Variants in SLC39A11 observed in about 807,000 individuals in gnomAD.
The protein encoded by SLC39A11 is solute carrier family 39 member 11, also known as zinc transporter ZIP11.
Under a neutral mutation model 36.1 loss-of-function variants are expected in SLC39A11, and 33 were observed. The observed-to-expected ratio is 0.91, with a 90% CI of 0.69 to 1.22. The LOEUF is 1.22. SLC39A11 is among the 50% of genes most tolerant of loss of function. SLC39A11 has a pLI of 0.00. For synonymous variants in SLC39A11, 166 were observed against 170.3 expected, an observed-to-expected ratio of 0.97 and a Z score of 0.20; for missense variants, 432 against 430.3, an observed-to-expected ratio of 1.00 and a Z score of -0.03.
At chr17:72,785,459 C>G (rs780806615) in intron 6 of SLC39A11, among the ~76,000 whole-genome samples, 10 of 152,152 alleles carry the variant, frequency 6.6e-5, no homozygotes, top group Non-Finnish European at 1.5e-4. Context: ...CTCAGGAGCA[C>G]GTGAAGACAT....
At chr17:72,721,248 C>T (rs565270269) in intron 7 of SLC39A11, among the ~76,000 whole-genome samples, 1 of 152,250 alleles carries the variant, frequency 6.6e-6, no homozygotes, top group South Asian at 2.1e-4. Context: ...AGATGCATGC[C>T]ACCATGTCCG....
At chr17:72,733,427 TA>T (rs2074305390) in intron 7 of SLC39A11, among the ~76,000 whole-genome samples, 1 of 152,114 alleles carries the variant, frequency 6.6e-6, no homozygotes, top group Non-Finnish European at 1.5e-5. Flanking sequence ...CACTACTCAC[TA>T]AAGAACGGGT....
intron 7 of SLC39A11, among the ~76,000 whole-genome samples, chr17:72,666,187 G>A (rs1278319467): frequency 1.3e-5 from 2 of 152,176 alleles, no homozygotes; most frequent in Non-Finnish European, 2.9e-5. Flanking sequence ...AAACAACGAG[G>A]GTATTGTGGG....
At chr17:73,021,832 G>A (rs932919461) in intron 4 of SLC39A11, among the ~76,000 whole-genome samples, 6 of 152,210 alleles carry the variant, frequency 3.9e-5, no homozygotes, top group Non-Finnish European at 2.9e-5. Context: ...CTAAGTCCTA[G>A]AAGGTTCCAA....
chr17:73,036,045 T>C (rs954650287), intron 3 of SLC39A11, among the ~76,000 whole-genome samples: 5 of 152,038 alleles, frequency 3.3e-5, no homozygotes, highest in Non-Finnish European at 7.4e-5. Flanking sequence ...GGGAAGCAAC[T>C]TCTCCTCCAA....
intron 7 of SLC39A11, among the ~76,000 whole-genome samples, chr17:72,702,939 C>CA (rs57566412): frequency 0.27 from 23,341 of 87,086 alleles, 3,287 homozygotes; most frequent in Middle Eastern, 0.35. Context: ...TCCATCTCAC[C>CA]AAAAAAAAAA....
intron 7 of SLC39A11, among the ~76,000 whole-genome samples, chr17:72,670,361 A>G (rs1237264288): frequency 7.1e-6 from 1 of 141,310 alleles, no homozygotes; most frequent in Non-Finnish European, 1.6e-5. Context: ...GTGAAGCCAG[A>G]CCCTGTCTCA....
At chr17:72,802,766 C>G (rs369801893) in intron 6 of SLC39A11, among the ~76,000 whole-genome samples, 1 of 152,042 alleles carries the variant, frequency 6.6e-6, no homozygotes, top group Non-Finnish European at 1.5e-5. Context: ...CACTGTAAAC[C>G]AGTAGGTCTT....
At chr17:72,887,067 T>A (rs556659648) in intron 5 of SLC39A11, among the ~76,000 whole-genome samples, 1 of 152,200 alleles carries the variant, frequency 6.6e-6, no homozygotes, top group Non-Finnish European at 1.5e-5. Context: ...CATTACCTTA[T>A]GTATCTTTGT....
At chr17:72,708,940 C>CT (rs397857013) in intron 7 of SLC39A11, among the ~76,000 whole-genome samples, 41,370 of 145,374 alleles carry the variant, frequency 0.28, 7,144 homozygotes, top group African/African-American at 0.5. Flanking sequence ...TTTTTCTTTT[C>CT]TTTTTTTTTT....
intron 7 of SLC39A11, among the ~76,000 whole-genome samples, chr17:72,731,707 T>C (rs924627362): frequency 7.0e-6 from 1 of 142,668 alleles, no homozygotes; most frequent in Non-Finnish European, 1.6e-5. Context: ...ATTGGTGCAT[T>C]CCTTTTTTTG....
chr17:72,748,490 C>A (rs1163172291), intron 6 of SLC39A11, among the ~76,000 whole-genome samples: 1 of 152,114 alleles, frequency 6.6e-6, no homozygotes, highest in Non-Finnish European at 1.5e-5. Flanking sequence ...CGTTGGGATC[C>A]CTCTGAACAG....
intron 5 of SLC39A11, among the ~76,000 whole-genome samples, chr17:72,917,600 G>C (rs2083407658): frequency 6.6e-6 from 1 of 152,152 alleles, no homozygotes. Flanking sequence ...GAGGAGGGAG[G>C]AGACATTCCA....
chr17:72,647,276 A>G lies in SLC39A11; in HGVS notation c.*308T>C, dbSNP rs1271291174. The G allele has an allele frequency of 2.2e-5, 5 of 223,652 alleles. No individual in the cohort carries two copies. Among genetic ancestry groups the G allele is most frequent in the Non-Finnish European group, 3.5e-5 (4 of 113,008 alleles). The allele number at this position is 223,652 out of a possible 1,614,324, so 13.9% of individuals were successfully genotyped here. ...CTTGAGGAGTTGGGAGGCAGATAGAAGGTCCCGAAGTGGAGATTTCCCTGA... is the reference window on the plus strand; with the variant it reads ...CTTGAGGAGTTGGGAGGCAGATAGAGGGTCCCGAAGTGGAGATTTCCCTGA... On this transcript the variant is annotated 3_prime_UTR_variant, in exon 10 of 10. Coordinates refer to ENST00000255559, the MANE Select transcript of SLC39A11 (RefSeq NM_139177.4).
intron 7 of SLC39A11, among the ~76,000 whole-genome samples, chr17:72,678,850 G>C (rs1315814729): frequency 1.3e-5 from 2 of 152,118 alleles, no homozygotes; most frequent in Non-Finnish European, 2.9e-5. Flanking sequence ...CTGTTCACAA[G>C]AGCCAAGACA....
At chr17:72,829,363 G>A (rs766718150) in intron 6 of SLC39A11, among the ~76,000 whole-genome samples, 398 of 145,586 alleles carry the variant, frequency 2.7e-3, no homozygotes, top group Middle Eastern at 7.0e-3. Flanking sequence ...AAAAAAAAAA[G>A]GCCCCCTCAC....
At chr17:72,954,372 T>C (rs555771587) in intron 4 of SLC39A11, among the ~76,000 whole-genome samples, 41 of 152,356 alleles carry the variant, frequency 2.7e-4, no homozygotes, top group African/African-American at 8.9e-4. Context: ...AGGGGACTAA[T>C]TGGTGCCCCC....
intron 5 of SLC39A11, among the ~76,000 whole-genome samples, chr17:72,854,265 G>A (rs911707272): frequency 4.6e-5 from 7 of 151,720 alleles, no homozygotes; most frequent in African/African-American, 1.7e-4. Flanking sequence ...TTTGCCTCCA[G>A]GAGCCCCTCT....
At chr17:72,932,783 G>A (rs1409166670) in intron 5 of SLC39A11, among the ~76,000 whole-genome samples, 3 of 151,546 alleles carry the variant, frequency 2.0e-5, no homozygotes, top group African/African-American at 7.3e-5. Flanking sequence ...ACATGTATTC[G>A]CTTAGCCTAT....
Sources: gnomAD v4.1 joint callset for allele counts (sites outside exome capture counted in the v4.1 genomes callset) on GRCh38, gnomAD v4.1.1 for gene constraint, MANE v1.5 for transcripts, NCBI Gene and HGNC (gene_info 2026-07-23, HGNC 2026-07-21) for gene names.